DNAH12: variants seen among roughly 807,000 people sequenced by gnomAD.
The protein encoded by DNAH12 is dynein axonemal heavy chain 12, also known as axonemal beta dynein heavy chain 12.
DNAH12 carries 285 observed loss-of-function variants against 371.5 expected under a neutral mutation model. The ratio of observed to expected loss-of-function variants is 0.77; its 90% CI spans 0.70 to 0.85. The LOEUF (loss-of-function observed/expected upper bound fraction) is 0.85, where lower values mean the gene tolerates loss of function less well. DNAH12 is among the 40% of genes least tolerant of loss of function. The pLI, the probability that DNAH12 is intolerant of heterozygous loss-of-function variation, is 0.00. For missense variants in DNAH12, 3,611 were observed against 3,689.4 expected (o/e 0.98, Z 0.55); for synonymous variants, 1,200 against 1,213.0 (o/e 0.99, Z 0.22).
At position 57,301,160 on chromosome 3, in the gene DNAH12, GC is replaced by G. The variant is rs1012027792; in HGVS notation, c.11394+574del. Among the ~76,000 whole-genome samples the G allele has an allele frequency of 8.8e-4, 132 of 150,206 alleles. 1 individual carries two copies. The highest frequency in any genetic ancestry group is 3.2e-3 in the African/African-American group (130 of 40,918). ...AAATTAGCCACGTATGGTGGCACAT[GC>G]CTGTAGTTCCAGTTATTCAAGAGGA... On this transcript the variant is annotated intron_variant, in intron 70 of 73. Transcript: ENST00000495027.
In DNAH12 at chr3:57,459,745, A is replaced by T. The variant is rs1184297800; in HGVS notation, c.2778T>A (p.Asp926Glu). ...ATTGAGCTTGTACTTTTAACCATTC[A>T]TCAATTGTTTCTTGTATTCGAATCA... ...DRLIRIQETI[D>E]EWLKVQAQWL... Residue 926 changes from aspartate (D) to glutamate (E), a missense_variant, in exon 20 of 74, where the codon GAT becomes GAA. Coordinates refer to ENST00000495027, the MANE Select transcript of DNAH12 (RefSeq NM_001366028.2). The T allele has an allele frequency of 4.6e-6, 7 of 1,530,380 alleles. No homozygotes were observed. In the Middle Eastern group the frequency reaches 1.0e-3, roughly 222 times the overall value. The allele number at this position is 1,530,380 out of a possible 1,614,324, so 94.8% of individuals were successfully genotyped here. A position where few individuals can be genotyped will look rare whatever the true frequency, so the allele number is the denominator to read the frequency against.
At chr3:57,488,111 A>G (rs184837284) in intron 12 of DNAH12, among the ~76,000 whole-genome samples, 6 of 152,310 alleles carry the variant, frequency 3.9e-5, no homozygotes, top group Admixed American at 3.3e-4. Flanking sequence ...TATGCCAAGC[A>G]AGGCACTAGA....
At chr3:57,542,565 A>G in intron 2 of DNAH12, 136 bp downstream of exon 2, 1 of 993,536 alleles carries the variant, frequency 1.0e-6, no homozygotes, top group Non-Finnish European at 1.4e-6. Flanking sequence ...TTACTTTTCA[A>G]TTGTTTTTCT....
chr3:57,301,858 C>T lies in DNAH12; in HGVS notation c.11271G>A (p.Glu3757=). 1.9e-6 allele frequency: 3 copies of T among 1,551,624 alleles called. No individual in the cohort carries two copies. Among genetic ancestry groups the T allele is most frequent in the Middle Eastern group, 1.7e-4 (1 of 5,992 alleles). The change falls in exon 70 of 74, where the codon GAG becomes GAA. Residue 3757 remains glutamate, a synonymous_variant. Transcript: ENST00000495027. The part of the protein sequence containing the change: ...KGVVVMDSAL[E]ALSGSLLVGK... The stretch of plus-strand genomic sequence containing the variant: ...CAACAAGTAAGCTACCGGAGAGTGC[C>T]TCCAATGCAGAATCCATCACAACCA...
intron 43 of DNAH12, among the ~76,000 whole-genome samples, chr3:57,399,416 G>T (rs2063810700): frequency 6.6e-6 from 1 of 152,014 alleles, no homozygotes; most frequent in African/African-American, 2.4e-5. Context: ...CCATTAATAT[G>T]CTGCCTACAA....
intron 37 of DNAH12, among the ~76,000 whole-genome samples, chr3:57,417,049 G>A (rs548207510): frequency 3.9e-4 from 59 of 152,018 alleles, no homozygotes; most frequent in Non-Finnish European, 7.6e-4. Flanking sequence ...TCAGGAGTTC[G>A]AGACCAGCCT....
intron 30 of DNAH12, 82 bp from the exon 31 acceptor site, chr3:57,433,910 G>A: frequency 8.6e-7 from 1 of 1,160,502 alleles, no homozygotes; most frequent in East Asian, 2.9e-5. Flanking sequence ...ACTTTACCCT[G>A]TGATAATTAC....
chr3:57,511,999 G>A (rs1319851089), intron 4 of DNAH12, among the ~76,000 whole-genome samples: 1 of 151,452 alleles, frequency 6.6e-6, no homozygotes, highest in Non-Finnish European at 1.5e-5. Flanking sequence ...TTGAGTATAG[G>A]AAAAACCTTC....
chr3:57,360,310 G>A (rs1166586126), intron 58 of DNAH12, among the ~76,000 whole-genome samples: 1 of 149,604 alleles, frequency 6.7e-6, no homozygotes, highest in African/African-American at 2.5e-5. Context: ...GCACCAAATA[G>A]TACAAGTGAC....
intron 2 of DNAH12, 140 bp from the exon 3 acceptor site, chr3:57,524,024 C>A: frequency 2.0e-6 from 1 of 498,678 alleles, no homozygotes; most frequent in Non-Finnish European, 3.4e-6. Context: ...GAAACAAATC[C>A]CAATAGACAT....
At chr3:57,380,119 A>G (rs1324217349) in intron 51 of DNAH12, among the ~76,000 whole-genome samples, 159 bp downstream of exon 51, 1 of 152,160 alleles carries the variant, frequency 6.6e-6, no homozygotes, top group African/African-American at 2.4e-5. Flanking sequence ...AACATTATGA[A>G]AACTCATAGT....
At position 57,316,278 on chromosome 3, in the gene DNAH12, CTCAT is replaced by C. The variant is rs142375766; in HGVS notation, c.10525-1651_10525-1648del. On this transcript the variant is annotated intron_variant, in intron 65 of 73. Coordinates refer to ENST00000495027, the MANE Select transcript of DNAH12 (RefSeq NM_001366028.2). The stretch of plus-strand genomic sequence containing the variant: ...ATGACATGATGCTGTTTTGTGTTGA[CTCAT>C]TCAAACTCCTTAGCAAGGCATGTAA... Among the ~76,000 whole-genome samples, 1,113 of 152,056 alleles carry C rather than the reference CTCAT, an allele frequency of 7.3e-3. 12 individuals are homozygous for C. Among genetic ancestry groups the C allele is most frequent in the African/African-American group, 0.025 (1,033 of 41,482 alleles).
chr3:57,411,748 G>C (rs1575564581), intron 39 of DNAH12, among the ~76,000 whole-genome samples: 2 of 152,056 alleles, frequency 1.3e-5, no homozygotes, highest in Non-Finnish European at 2.9e-5. Flanking sequence ...GAAGATGACA[G>C]TCCTTCCAAA....
chr3:57,322,514 A>G, intron 64 of DNAH12, 31 bp from the exon 65 acceptor site: 3 of 1,537,720 alleles, frequency 2.0e-6, no homozygotes, highest in Non-Finnish European at 1.8e-6. Flanking sequence ...AGCATTATAC[A>G]AGATAGCAAG....
rs951802914 is a variant in DNAH12, at chr3:57,508,401, A to G, written c.682T>C (p.Leu228=). 1.9e-6 allele frequency: 3 copies of G among 1,606,678 alleles called. No individual in the cohort carries two copies. Among genetic ancestry groups the G allele is most frequent in the East Asian group, 2.2e-5 (1 of 44,632 alleles). ...TTTTACCTAATTCCTGTGAAGTCCA[A>G]CAAAACTGTATCAGCAAATGTTGTA... ...GYTTFADTVL[L]DFTGIRAKGP... is the part of the protein sequence containing the mutation. The change falls in exon 7 of 74, where the codon TTG becomes CTG. Residue 228 remains leucine (L), a synonymous_variant. Coordinates refer to ENST00000495027, the MANE Select transcript of DNAH12 (RefSeq NM_001366028.2).
chr3:57,437,195 ATTT>A (rs1393767667), intron 29 of DNAH12, 135 bp from the exon 30 acceptor site: 27 of 654,700 alleles, frequency 4.1e-5, no homozygotes, highest in Middle Eastern at 4.2e-4. Context: ...AAACTTTATT[ATTT>A]TTTCAAATCA....
chr3:57,311,580 G>A (rs1213813410), intron 66 of DNAH12, among the ~76,000 whole-genome samples: 1 of 152,242 alleles, frequency 6.6e-6, no homozygotes, highest in African/African-American at 2.4e-5. Flanking sequence ...ATTTGGCAAT[G>A]TCTGGAGATA....
At chr3:57,464,681 G>A (rs533302105) in intron 17 of DNAH12, among the ~76,000 whole-genome samples, 1 of 152,236 alleles carries the variant, frequency 6.6e-6, no homozygotes, top group South Asian at 2.1e-4. Flanking sequence ...TAACCAGACA[G>A]GGATATGTGA....
At chr3:57,542,315 T>A (rs1182612688) in intron 2 of DNAH12, among the ~76,000 whole-genome samples, 1 of 152,202 alleles carries the variant, frequency 6.6e-6, no homozygotes, top group East Asian at 1.9e-4. Context: ...ATGGTTATAA[T>A]ATATTGAAAG....
Sources: allele counts gnomAD v4.1 joint callset (sites outside exome capture counted in the v4.1 genomes callset), GRCh38; gene constraint gnomAD v4.1.1; transcripts MANE v1.5; gene names NCBI Gene and HGNC (gene_info 2026-07-23, HGNC 2026-07-21).